Variants in IKBKB observed in about 807,000 individuals in gnomAD.
IKBKB encodes inhibitor of nuclear factor kappa-B kinase subunit beta.
Under a neutral mutation model 113.6 loss-of-function variants are expected in IKBKB, and 42 were observed. The ratio of observed to expected loss-of-function variants is 0.37; its 90% CI spans 0.29 to 0.48. The LOEUF is 0.48. Among genes scored for constraint, IKBKB ranks in the 20% least tolerant of loss-of-function variants. The pLI, the probability that IKBKB is intolerant of heterozygous loss-of-function variation, is 0.99. For missense variants in IKBKB, 673 were observed against 939.7 expected (o/e 0.72, Z 3.71); for synonymous variants, 296 against 361.3 (o/e 0.82, Z 2.05).
chr8:42,320,690 A>G (rs751238252), intron 15 of IKBKB, 45 bp from the exon 16 acceptor site: 9 of 1,504,366 alleles, frequency 6.0e-6, no homozygotes, highest in Non-Finnish European at 8.3e-6. Context: ...GCATCTCAGC[A>G]TGCGCCTACC....
chr8:42,275,372 A>G (rs1402398027), intron 2 of IKBKB, among the ~76,000 whole-genome samples: 1 of 151,370 alleles, frequency 6.6e-6, no homozygotes, highest in Non-Finnish European at 1.5e-5. Context: ...TTTTTTGTAG[A>G]TAGGAGGTCT....
chr8:42,282,769 T>C (rs1810631065), intron 2 of IKBKB, among the ~76,000 whole-genome samples: 1 of 152,192 alleles, frequency 6.6e-6, no homozygotes, highest in African/African-American at 2.4e-5. Context: ...AGCAGGTATG[T>C]TTTTAGTAAC....
intron 5 of IKBKB, chr8:42,298,201 T>C (rs1814314782): frequency 2.0e-6 from 2 of 985,354 alleles, no homozygotes; most frequent in South Asian, 9.4e-5. Context: ...GGGCAGGCTG[T>C]GGTGCTCTCT....
intron 2 of IKBKB, among the ~76,000 whole-genome samples, chr8:42,273,138 C>T (rs1422441710): frequency 6.6e-6 from 1 of 151,076 alleles, no homozygotes; most frequent in African/African-American, 2.4e-5. Flanking sequence ...TTTTAAATGT[C>T]GGGTGCAGTG....
Position 42,322,296 on chromosome 8 carries a change from C to A in IKBKB, c.1839-51C>A, listed in dbSNP as rs377576030. The stretch of plus-strand genomic sequence containing the variant: ...ACTGGATGCACAGCTGCCACAGGTT[C>A]TGCTTTCTCCAGCCCAAATGCCATT... On this transcript the variant is annotated intron_variant, in intron 18 of 21. Coordinates refer to ENST00000520810, the MANE Select transcript of IKBKB (RefSeq NM_001556.3). The A allele has an allele frequency of 8.1e-6, 13 of 1,611,054 alleles. No homozygotes were observed. The African/African-American group carries it at 1.7e-4, about 22-fold the overall frequency.
At chr8:42,325,163 G>A (rs1172269092) in intron 19 of IKBKB, 10 of 939,146 alleles carry the variant, frequency 1.1e-5, no homozygotes, top group East Asian at 2.3e-4. Flanking sequence ...ATTGGCCGGC[G>A]GTCGTGGGCT....
chr8:42,331,337 G>A lies in IKBKB; in HGVS notation c.*358G>A, dbSNP rs200664132. The stretch of plus-strand genomic sequence containing the variant: ...AGCCATGGCAGCTCCTTCCTCTGCC[G>A]TGAGAAAAGTGCTTGGAGTACGGTT... On this transcript the variant is annotated 3_prime_UTR_variant, in exon 22 of 22. Transcript: ENST00000520810. 12 of 702,706 alleles carry A rather than the reference G, an allele frequency of 1.7e-5. No individual in the cohort carries two copies. The highest frequency in any genetic ancestry group is 3.0e-5 in the South Asian group (2 of 67,600). The allele number at this position is 702,706 out of a possible 1,614,324, so 43.5% of individuals were successfully genotyped here. A position where few individuals can be genotyped will look rare whatever the true frequency, so the allele number is the denominator to read the frequency against.
intron 2 of IKBKB, among the ~76,000 whole-genome samples, chr8:42,286,090 T>TA (rs938988157): frequency 2.6e-5 from 4 of 152,058 alleles, no homozygotes; most frequent in Non-Finnish European, 1.5e-5. Context: ...ATAGAGCTGT[T>TA]AAAAAAAAGT....
chr8:42,301,491 T>C (rs1161359897), intron 5 of IKBKB, among the ~76,000 whole-genome samples: 1 of 152,212 alleles, frequency 6.6e-6, no homozygotes, highest in African/African-American at 2.4e-5. Context: ...ACCAAGCTTT[T>C]TGAAAGCTTA....
chr8:42,315,638 A>G (rs944210035), intron 9 of IKBKB, among the ~76,000 whole-genome samples: 2 of 151,682 alleles, frequency 1.3e-5, no homozygotes, highest in African/African-American at 4.8e-5. Flanking sequence ...TTAAAACCTC[A>G]TGGGTTATTC....
rs144727257 is a variant in IKBKB, at chr8:42,299,268, C to T, written c.388+5756C>T. ...TCATAGCCTTGCATTACGGAGGCTGCAGACCGCTGCTTCTGCTGATTCAAT... is the reference window on the plus strand; with the variant it reads ...TCATAGCCTTGCATTACGGAGGCTGTAGACCGCTGCTTCTGCTGATTCAAT... On this transcript the variant is annotated intron_variant, in intron 5 of 21. Transcript: ENST00000520810. Among the ~76,000 whole-genome samples, 10 of 152,278 alleles carry T rather than the reference C, an allele frequency of 6.6e-5. No individual in the cohort carries two copies. The East Asian group carries it at 1.9e-3, about 29-fold the overall frequency.
intron 2 of IKBKB, among the ~76,000 whole-genome samples, chr8:42,281,316 C>A (rs945998439): frequency 6.6e-6 from 1 of 152,296 alleles, no homozygotes; most frequent in South Asian, 2.1e-4. Context: ...TCGTTTATTC[C>A]CGGCTCCCTG....
chr8:42,310,593 T>C (rs1370728325), intron 8 of IKBKB, among the ~76,000 whole-genome samples: 1 of 152,214 alleles, frequency 6.6e-6, no homozygotes, highest in Non-Finnish European at 1.5e-5. Flanking sequence ...ATTATTATTT[T>C]GAACTTAAAT....
chr8:42,297,279 A>G (rs553097052), intron 5 of IKBKB, among the ~76,000 whole-genome samples: 24 of 152,314 alleles, frequency 1.6e-4, no homozygotes, highest in African/African-American at 1.7e-4. Context: ...CATCTAACAT[A>G]GCTCTTTTGT....
At chr8:42,294,978 T>C (rs1813417684) in intron 5 of IKBKB, among the ~76,000 whole-genome samples, 2 of 152,164 alleles carry the variant, frequency 1.3e-5, no homozygotes, top group Non-Finnish European at 2.9e-5. Context: ...CTTGCTTTTC[T>C]TGGGTGATTT....
intron 19 of IKBKB, chr8:42,325,167 G>A (rs41304210): frequency 2.9e-4 from 274 of 954,298 alleles, no homozygotes; most frequent in Non-Finnish European, 3.2e-4. Flanking sequence ...GCCGGCGGTC[G>A]TGGGCTGTGA....
chr8:42,298,423 A>G, intron 5 of IKBKB: 1 of 985,420 alleles, frequency 1.0e-6, no homozygotes, highest in Non-Finnish European at 1.2e-6. Flanking sequence ...GCGTTAAAGA[A>G]CAGAGGGTTT....
At chr8:42,314,089 A>C (rs531708636) in intron 8 of IKBKB, 6 of 524,616 alleles carry the variant, frequency 1.1e-5, no homozygotes, top group Non-Finnish European at 2.1e-5. Flanking sequence ...AGATACACCA[A>C]TACTTACCAT....
At chr8:42,290,024 C>A in intron 3 of IKBKB, 132 bp from the exon 4 acceptor site, 1 of 659,782 alleles carries the variant, frequency 1.5e-6, no homozygotes, top group Non-Finnish European at 2.6e-6. Flanking sequence ...GGCCACCCGT[C>A]CTGGGCTCTG....
Sources: allele counts gnomAD v4.1 joint callset (sites outside exome capture counted in the v4.1 genomes callset), GRCh38; gene constraint gnomAD v4.1.1; transcripts MANE v1.5; gene names NCBI Gene and HGNC (gene_info 2026-07-23, HGNC 2026-07-21).